The following PLAC1 variants were observed in gnomAD, a reference collection of about 807,000 sequenced individuals.
The protein encoded by PLAC1 is placenta associated 1.
For missense variants in PLAC1, 136 were observed against 163.2 expected, an observed-to-expected ratio of 0.83 and a Z score of 0.91; for synonymous variants, 68 against 62.1, an observed-to-expected ratio of 1.09 and a Z score of -0.44.
chrX:134,579,573 G>A (rs2077964291), intron 2 of PLAC1, among the ~76,000 whole-genome samples: 1 of 111,399 alleles, frequency 9.0e-6, no homozygotes, highest in Non-Finnish European at 1.9e-5. Flanking sequence ...AATTTCCCAT[G>A]CATGACTCGG....
chrX:134,618,556 C>T (rs1314770817), intron 1 of PLAC1, among the ~76,000 whole-genome samples: 1 of 111,647 alleles, frequency 9.0e-6, no homozygotes, highest in Non-Finnish European at 1.9e-5. Flanking sequence ...CAGGTGTGCA[C>T]CACCATGCCT....
chrX:134,669,701 G>A (rs751311003), intron 2 of PLAC1, among the ~76,000 whole-genome samples: 2 of 112,641 alleles, frequency 1.8e-5, no homozygotes, highest in East Asian at 5.6e-4. Flanking sequence ...TAGAGTGGCT[G>A]AGAACTGCCT....
In PLAC1 at chrX:134,566,658, G is replaced by A. The variant is rs776812627; in HGVS notation, c.25C>T (p.Leu9=). The A allele has an allele frequency of 1.2e-5, 14 of 1,194,385 alleles. No homozygotes were observed. The highest frequency in any genetic ancestry group is 1.6e-5 in the Non-Finnish European group (14 of 884,039). ...AACGCAGAGGTGAGGAGGATCATCA[G>A]TCCTATGAACTTAAAAACTTTCATC... MKVFKFIG[L]MILLTSAFSA... The change falls in exon 3 of 3, where the codon CTG becomes TTG. Residue 9 remains leucine, a synonymous_variant. Coordinates refer to ENST00000359237, the MANE Select transcript of PLAC1 (RefSeq NM_021796.4).
chrX:134,762,551 G>A (rs990516325), intron 1 of PLAC1, among the ~76,000 whole-genome samples: 2 of 110,979 alleles, frequency 1.8e-5, no homozygotes, highest in African/African-American at 3.3e-5. Context: ...GGCCGGGCAC[G>A]GTGGCTCACA....
chrX:134,762,821 C>CA (rs60721487), intron 1 of PLAC1, among the ~76,000 whole-genome samples: 1,725 of 14,797 alleles, frequency 0.12, 357 homozygotes, highest in Non-Finnish European at 0.23. Flanking sequence ...GGCTCTATCT[C>CA]AAAAAAAAAA....
At chrX:134,603,445 C>G (rs933047656) in intron 1 of PLAC1, among the ~76,000 whole-genome samples, 13 of 95,997 alleles carry the variant, frequency 1.4e-4, no homozygotes, top group Non-Finnish European at 2.3e-4. Flanking sequence ...TCACGCCATT[C>G]TCCTGCCTCA....
At chrX:134,675,434 G>T (rs1191256595) in intron 2 of PLAC1, among the ~76,000 whole-genome samples, 2 of 112,260 alleles carry the variant, frequency 1.8e-5, no homozygotes, top group Non-Finnish European at 3.8e-5. Flanking sequence ...GGGAGGCCGA[G>T]GCGGGTGGAT....
At chrX:134,609,539 A>G (rs1219890280) in intron 1 of PLAC1, among the ~76,000 whole-genome samples, 1 of 112,018 alleles carries the variant, frequency 8.9e-6, no homozygotes, top group Non-Finnish European at 1.9e-5. Flanking sequence ...CTTCTCTAAC[A>G]CTTTCAAAAT....
At chrX:134,627,213 G>A (rs896152247) in intron 1 of PLAC1, among the ~76,000 whole-genome samples, 5 of 111,511 alleles carry the variant, frequency 4.5e-5, no homozygotes, top group Non-Finnish European at 9.4e-5. Context: ...AATTAGCTTC[G>A]ACAACATTGA....
chrX:134,750,898 TTTATATATATATTTATATATATATA>T (rs2078742250), intron 1 of PLAC1, among the ~76,000 whole-genome samples: 1 of 12,794 alleles, frequency 7.8e-5, no homozygotes, highest in Non-Finnish European at 1.1e-4. Flanking sequence ...TATATATATA[TTTATATATATATTTATATATATATA>T]TTTTTATATA....
rs10606569 is a variant in PLAC1 at position 134,684,411 on chromosome X, TAAAAAA to T, written n.174+49018_174+49023del. ...TGAATGTTACTGAGTGCTCTGCCAC[TAAAAAA>T]AAAAAAAAAAAAAAAACACTCTAGG... On this transcript the variant is annotated intron_variant and non_coding_transcript_variant, in intron 2 of 2. Coordinates refer to the PLAC1 transcript ENST00000466797. Among the ~76,000 whole-genome samples, 404 of 80,927 alleles carry T rather than the reference TAAAAAA, an allele frequency of 5.0e-3. 2 individuals are homozygous for T. Among genetic ancestry groups the T allele is most frequent in the East Asian group, 8.6e-3 (18 of 2,105 alleles). 70.3% of individuals were successfully genotyped at this position (80,927 alleles called of 115,157 possible). A position where few individuals can be genotyped will look rare whatever the true frequency, so the allele number is the denominator to read the frequency against.
intron 2 of PLAC1, among the ~76,000 whole-genome samples, chrX:134,690,936 C>T (rs1482537330): frequency 7.4e-5 from 3 of 40,564 alleles, no homozygotes; most frequent in African/African-American, 1.1e-4. Flanking sequence ...AGCAAGATTC[C>T]GTCTCAAAAA....
intron 2 of PLAC1, among the ~76,000 whole-genome samples, chrX:134,569,410 G>A (rs2077893881): frequency 9.0e-6 from 1 of 111,427 alleles, no homozygotes; most frequent in African/African-American, 3.3e-5. Flanking sequence ...GAACACGGCA[G>A]AATCTCTTTC....
At chrX:134,758,248 T>C (rs756309983) in intron 1 of PLAC1, among the ~76,000 whole-genome samples, 1 of 110,923 alleles carries the variant, frequency 9.0e-6, no homozygotes, top group South Asian at 3.7e-4. Flanking sequence ...ATAGATTCGA[T>C]GCAATCCTTA....
intron 1 of PLAC1, among the ~76,000 whole-genome samples, chrX:134,607,939 A>C (rs1232504628): frequency 1.8e-5 from 2 of 111,848 alleles, no homozygotes; most frequent in African/African-American, 3.2e-5. Flanking sequence ...CCTGGACTGC[A>C]GGCTCATGAC....
intron 1 of PLAC1, among the ~76,000 whole-genome samples, chrX:134,761,457 T>C (rs1325286988): frequency 8.9e-6 from 1 of 112,204 alleles, no homozygotes; most frequent in Admixed American, 9.4e-5. Context: ...GGAAGGGAAC[T>C]CTTAAACGCT....
intron 2 of PLAC1, among the ~76,000 whole-genome samples, chrX:134,593,554 C>T (rs1221883285): frequency 8.9e-6 from 1 of 112,047 alleles, no homozygotes; most frequent in African/African-American, 3.2e-5. Flanking sequence ...TATGCTTCTC[C>T]ATTGAGTTAG....
chrX:134,656,430 C>T (rs1430444777), intron 1 of PLAC1, among the ~76,000 whole-genome samples: 5 of 111,636 alleles, frequency 4.5e-5, no homozygotes, highest in Non-Finnish European at 1.9e-5. Context: ...AAGCCTCATC[C>T]TTTCTTTAAG....
chrX:134,596,384 C>A (rs751943985), intron 2 of PLAC1, among the ~76,000 whole-genome samples: 1 of 111,533 alleles, frequency 9.0e-6, no homozygotes, highest in Non-Finnish European at 1.9e-5. Context: ...TTTAGAGTAG[C>A]TCTGATGGAG....
Sources: gnomAD v4.1 joint callset for allele counts (sites outside exome capture counted in the v4.1 genomes callset) on GRCh38, gnomAD v4.1.1 for gene constraint, MANE v1.5 for transcripts, NCBI Gene and HGNC (gene_info 2026-07-23, HGNC 2026-07-21) for gene names.